DLG2: variants seen among roughly 807,000 people sequenced by gnomAD.
The protein encoded by DLG2 is disks large homolog 2.
DLG2 carries 45 observed loss-of-function variants against 132.5 expected under a neutral mutation model. That is an observed-to-expected ratio of 0.34 (90% CI 0.27 to 0.44). The LOEUF (loss-of-function observed/expected upper bound fraction) is 0.44. DLG2 is among the 20% of genes least tolerant of loss of function. The pLI, the probability that DLG2 is intolerant of heterozygous loss-of-function variation, is 1.00. For synonymous variants in DLG2, 424 were observed against 419.6 expected (o/e 1.01, Z -0.13); for missense variants, 1,045 against 1,196.9 (o/e 0.87, Z 1.87).
At chr11:84,660,268 G>A (rs561947129) in intron 6 of DLG2, among the ~76,000 whole-genome samples, 7 of 152,232 alleles carry the variant, frequency 4.6e-5, no homozygotes, top group South Asian at 4.1e-4. Context: ...GGAACTGAGT[G>A]TAAAGGTCAG....
At chr11:84,218,544 T>C (rs1432283877) in intron 8 of DLG2, among the ~76,000 whole-genome samples, 1 of 152,180 alleles carries the variant, frequency 6.6e-6, no homozygotes, top group East Asian at 1.9e-4. Context: ...TATGAGTGCC[T>C]GAAGCAAGGC....
At chr11:84,429,100 C>T (rs1025423483) in intron 7 of DLG2, among the ~76,000 whole-genome samples, 2 of 152,178 alleles carry the variant, frequency 1.3e-5, no homozygotes, top group African/African-American at 4.8e-5. Context: ...TTTCATCTTG[C>T]TCTCACTTTG....
chr11:85,066,419 G>C (rs993965865), intron 6 of DLG2, among the ~76,000 whole-genome samples: 1 of 151,626 alleles, frequency 6.6e-6, no homozygotes, highest in African/African-American at 2.4e-5. Context: ...AATCAAGGGG[G>C]AGAGAATCCT....
At chr11:85,484,669 T>A (rs1403649677) in intron 3 of DLG2, among the ~76,000 whole-genome samples, 1 of 151,998 alleles carries the variant, frequency 6.6e-6, no homozygotes, top group Non-Finnish European at 1.5e-5. Context: ...CTCACGCCAG[T>A]TAGAATGGCT....
chr11:84,063,432 G>A (rs1174576207), intron 10 of DLG2, among the ~76,000 whole-genome samples: 1 of 152,148 alleles, frequency 6.6e-6, no homozygotes, highest in East Asian at 1.9e-4. Context: ...TTTCTAAAAT[G>A]GTATAGCATC....
At chr11:85,393,202 G>A (rs1596837809) in intron 3 of DLG2, among the ~76,000 whole-genome samples, 1 of 152,152 alleles carries the variant, frequency 6.6e-6, no homozygotes, top group East Asian at 1.9e-4. Flanking sequence ...TATGCAAATG[G>A]CCAACAAACA....
intron 6 of DLG2, among the ~76,000 whole-genome samples, chr11:84,650,302 C>T (rs1488501067): frequency 6.6e-6 from 1 of 152,174 alleles, no homozygotes; most frequent in East Asian, 1.9e-4. Flanking sequence ...GTGGAAGTCA[C>T]CAATGACTTC....
At chr11:84,144,160 A>G (rs943495960) in intron 9 of DLG2, among the ~76,000 whole-genome samples, 1 of 152,202 alleles carries the variant, frequency 6.6e-6, no homozygotes, top group Non-Finnish European at 1.5e-5. Context: ...TGACAAAAGC[A>G]CCAATGCAAA....
Position 85,374,936 on chromosome 11 carries a change from C to T in DLG2, c.41-89571G>A, listed in dbSNP as rs554054894. 5.3e-5 allele frequency among the ~76,000 whole-genome samples: 8 copies of T among 152,152 alleles called. No individual in the cohort carries two copies. The South Asian group carries it at 1.7e-3, about 32-fold the overall frequency. On this transcript the variant is annotated intron_variant, in intron 3 of 27. Transcript: ENST00000376104. ...CCTTTAGGGCTGAAATGTTACGATA[C>T]TTGCAATTTAATTTCAAATTATTCA... is the stretch of plus-strand genomic sequence containing the variant.
At chr11:85,186,866 T>A (rs1474522934) in intron 4 of DLG2, among the ~76,000 whole-genome samples, 1 of 152,128 alleles carries the variant, frequency 6.6e-6, no homozygotes, top group African/African-American at 2.4e-5. Flanking sequence ...CTTTAGATCA[T>A]TTTAATCAAT....
intron 15 of DLG2, among the ~76,000 whole-genome samples, chr11:83,908,132 C>A (rs2075365093): frequency 6.6e-6 from 1 of 152,154 alleles, no homozygotes; most frequent in African/African-American, 2.4e-5. Context: ...GAAGTTTGGT[C>A]TAGAGTATGT....
intron 5 of DLG2, chr11:85,133,212 T>C (rs551687830): frequency 5.9e-4 from 94 of 159,474 alleles, no homozygotes; most frequent in Admixed American, 9.7e-4. Flanking sequence ...TTCAGTATAC[T>C]CATAATATTT....
At position 83,736,413 on chromosome 11, in the gene DLG2, C is replaced by T. The variant is rs1302241245; in HGVS notation, c.1825+50277G>A. Among the ~76,000 whole-genome samples, 6 of 150,552 alleles carry T rather than the reference C, an allele frequency of 4.0e-5. No homozygotes were observed. The East Asian group carries it at 1.2e-3, about 29-fold the overall frequency. ...CTGACCAAGTTAGGGCAACTTTATG[C>T]ACCTGTTCTGAAATGCATTTTTTAG... is the stretch of plus-strand genomic sequence containing the variant. On this transcript the variant is annotated intron_variant, in intron 18 of 27. Transcript: ENST00000376104.
rs993405007 is a variant in DLG2 at position 83,985,325 on chromosome 11, C to G, written c.920-4683G>C. ...ACTCAAAACACACTTGCATCCTTGA[C>G]GTTTCTTTTTTTATTTTTATTTTTT... On this transcript the variant is annotated intron_variant, in intron 11 of 27. Transcript: ENST00000376104. 3.3e-5 allele frequency among the ~76,000 whole-genome samples: 5 copies of G among 152,054 alleles called. No individual in the cohort carries two copies. The East Asian group carries it at 5.8e-4, about 18-fold the overall frequency.
intron 7 of DLG2, among the ~76,000 whole-genome samples, chr11:84,376,183 CTCTTTT>C (rs1431327904): frequency 3.3e-5 from 5 of 151,910 alleles, no homozygotes; most frequent in African/African-American, 1.2e-4. Flanking sequence ...CTCTCTCTCT[CTCTTTT>C]TAATTCTTAA....
chr11:83,639,871 T>G (rs550743466), intron 18 of DLG2, among the ~76,000 whole-genome samples: 1 of 152,174 alleles, frequency 6.6e-6, no homozygotes, highest in South Asian at 2.1e-4. Context: ...CCTTGGGAAG[T>G]TACTGAACCT....
chr11:83,586,133 G>T (rs1489303190), intron 19 of DLG2, among the ~76,000 whole-genome samples: 2 of 152,216 alleles, frequency 1.3e-5, no homozygotes, highest in Non-Finnish European at 2.9e-5. Context: ...GACAGCTAGA[G>T]AATCTGGATG....
At chr11:83,640,411 G>C (rs867993876) in intron 18 of DLG2, among the ~76,000 whole-genome samples, 1 of 152,098 alleles carries the variant, frequency 6.6e-6, no homozygotes, top group African/African-American at 2.4e-5. Context: ...GCTTAGGAAG[G>C]GTACATGGTA....
At chr11:84,890,540 C>T (rs1227938369) in intron 6 of DLG2, among the ~76,000 whole-genome samples, 1 of 152,182 alleles carries the variant, frequency 6.6e-6, no homozygotes, top group Non-Finnish European at 1.5e-5. Context: ...TCTCCCCCTC[C>T]CCAACCCTAA....
Sources: allele counts gnomAD v4.1 joint callset (sites outside exome capture counted in the v4.1 genomes callset), GRCh38; gene constraint gnomAD v4.1.1; transcripts MANE v1.5; gene names NCBI Gene and HGNC (gene_info 2026-07-23, HGNC 2026-07-21).